The following WDR70 variants were observed in gnomAD, a reference collection of about 807,000 sequenced individuals.
WDR70 encodes the protein WD repeat domain 70, also known as WD repeat-containing protein 70.
Under a neutral mutation model 88.6 loss-of-function variants are expected in WDR70, and 53 were observed. That is an observed-to-expected ratio of 0.60 (90% CI 0.48 to 0.75). The LOEUF is 0.75. Ranked by LOEUF, WDR70 falls within the 30% of genes least tolerant of loss-of-function variation. The probability of loss-of-function intolerance (pLI) is 0.00; values close to 1 mark genes in which losing one functional copy is unlikely to be tolerated. For missense variants in WDR70, 610 were observed against 823.2 expected, an observed-to-expected ratio of 0.74 and a Z score of 3.17; for synonymous variants, 280 against 270.0, an observed-to-expected ratio of 1.04 and a Z score of -0.36.
intron 9 of WDR70, among the ~76,000 whole-genome samples, chr5:37,542,746 G>A (rs114547108): frequency 1.3e-5 from 2 of 152,172 alleles, no homozygotes; most frequent in African/African-American, 4.8e-5. Context: ...GGAAAGAAAG[G>A]AAGAAAAGAC....
rs561892097 is a variant in WDR70 at position 37,749,730 on chromosome 5, G to A, written c.1878-2756G>A. On this transcript the variant is annotated intron_variant, in intron 17 of 17. Transcript: ENST00000265107. ...TTCCCTACATTTTAATTCCTAGTGG[G>A]GACCAAGGAAACTGTTGTGATCTAG... is the stretch of plus-strand genomic sequence containing the variant. Among the ~76,000 whole-genome samples, 4 of 151,124 alleles carry A rather than the reference G, an allele frequency of 2.6e-5. No individual in the cohort carries two copies. The South Asian group carries it at 8.4e-4, about 32-fold the overall frequency.
At chr5:37,449,614 A>AAAAAAAAAAT (rs1738607337) in intron 7 of WDR70, among the ~76,000 whole-genome samples, 1 of 120,708 alleles carries the variant, frequency 8.3e-6, no homozygotes, top group African/African-American at 2.9e-5. Context: ...TAAAAAATAA[A>AAAAAAAAAAT]AAATAAATAA....
intron 9 of WDR70, among the ~76,000 whole-genome samples, chr5:37,568,076 A>G (rs1416000278): frequency 2.6e-5 from 4 of 152,180 alleles, no homozygotes; most frequent in African/African-American, 9.6e-5. Context: ...AAAAGTTTTC[A>G]TCTAATTTTC....
At chr5:37,399,841 G>A (rs1339590420) in intron 5 of WDR70, among the ~76,000 whole-genome samples, 1 of 152,122 alleles carries the variant, frequency 6.6e-6, no homozygotes, top group South Asian at 2.1e-4. Context: ...CCGAGTAGGT[G>A]AGTGTGTTTG....
At chr5:37,678,592 G>A (rs1171451553) in intron 10 of WDR70, among the ~76,000 whole-genome samples, 3 of 152,144 alleles carry the variant, frequency 2.0e-5, no homozygotes, top group Admixed American at 6.5e-5. Context: ...AGTTTCTGCC[G>A]AGAGATCCGC....
intron 9 of WDR70, among the ~76,000 whole-genome samples, chr5:37,572,436 A>T (rs1040209253): frequency 1.3e-5 from 2 of 150,694 alleles, no homozygotes; most frequent in Admixed American, 1.3e-4. Context: ...ATCCTTGATA[A>T]CTCCTTCTTT....
rs181643510 is a variant in WDR70, at chr5:37,540,896, A to C, written c.917+24306A>C. On this transcript the variant is annotated intron_variant, in intron 9 of 17. Coordinates refer to ENST00000265107, the MANE Select transcript of WDR70 (RefSeq NM_018034.4). ...TATGTTTTGATATTTTATTTTTTTA[A>C]AATCTACTTAATACTTTATTAAGAA... is the stretch of plus-strand genomic sequence containing the variant. Among the ~76,000 whole-genome samples the C allele has an allele frequency of 1.0e-3, 159 of 152,256 alleles. 1 individual carries two copies. Among genetic ancestry groups the C allele is most frequent in the African/African-American group, 3.7e-3 (154 of 41,550 alleles).
intron 9 of WDR70, among the ~76,000 whole-genome samples, chr5:37,594,006 T>G (rs1033927748): frequency 6.6e-6 from 1 of 152,204 alleles, no homozygotes; most frequent in Admixed American, 6.5e-5. Context: ...GTTGTTTTTT[T>G]CTTGTAAATT....
At chr5:37,680,731 G>A (rs984821733) in intron 10 of WDR70, among the ~76,000 whole-genome samples, 1 of 152,060 alleles carries the variant, frequency 6.6e-6, no homozygotes, top group African/African-American at 2.4e-5. Flanking sequence ...TTATTTCTAG[G>A]TTCTCTATTC....
chr5:37,734,519 TA>T (rs1462679891), intron 17 of WDR70, among the ~76,000 whole-genome samples: 1 of 152,008 alleles, frequency 6.6e-6, no homozygotes, highest in African/African-American at 2.4e-5. Context: ...ACTAAATAAA[TA>T]TATAAATATT....
chr5:37,479,193 G>A (rs566092908), intron 7 of WDR70, among the ~76,000 whole-genome samples: 3 of 151,844 alleles, frequency 2.0e-5, no homozygotes, highest in Non-Finnish European at 2.9e-5. Context: ...ATGAGAGGAA[G>A]TTGAGGCAGT....
At chr5:37,501,477 A>G (rs1740403723) in intron 8 of WDR70, among the ~76,000 whole-genome samples, 1 of 152,148 alleles carries the variant, frequency 6.6e-6, no homozygotes, top group African/African-American at 2.4e-5. Flanking sequence ...CACATAAAAT[A>G]TATTAACATG....
At chr5:37,564,566 G>GGAGAGGGAGAGGAGC (rs1742678675) in intron 9 of WDR70, among the ~76,000 whole-genome samples, 1 of 147,606 alleles carries the variant, frequency 6.8e-6, no homozygotes, top group Non-Finnish European at 1.5e-5. Flanking sequence ...GTGGGGAGAG[G>GGAGAGGGAGAGGAGC]GAGAGGGAGA....
rs182958618 is a variant in WDR70, at chr5:37,525,808, C to A, written c.917+9218C>A. ...AAAAATGATAAAGGGGATATCACCA[C>A]CGATCTCACAGAAATACAAACTACC... On this transcript the variant is annotated intron_variant, in intron 9 of 17. Transcript: ENST00000265107. Among the ~76,000 whole-genome samples the A allele has an allele frequency of 6.2e-4, 94 of 152,158 alleles. 1 individual carries two copies. The highest frequency in any genetic ancestry group is 1.3e-4 in the Non-Finnish European group (9 of 68,006).
At chr5:37,674,568 T>C (rs896779047) in intron 10 of WDR70, among the ~76,000 whole-genome samples, 1 of 152,178 alleles carries the variant, frequency 6.6e-6, no homozygotes, top group Admixed American at 6.5e-5. Flanking sequence ...GACCTCACCC[T>C]TTTTTATGGC....
intron 3 of WDR70, among the ~76,000 whole-genome samples, chr5:37,385,489 A>G (rs1292439958): frequency 7.3e-6 from 1 of 136,980 alleles, no homozygotes; most frequent in Non-Finnish European, 1.5e-5. Context: ...ACTGCATCAC[A>G]GCCTGAGTAA....
chr5:37,678,186 A>G lies in WDR70; in HGVS notation c.1093-19469A>G, dbSNP rs1301389760. ...CTGATGGGTCTTGACTCTTTATCCA[A>G]TTTGCCAGTCTGTGTCTTTTAATTG... is the stretch of plus-strand genomic sequence containing the variant. On this transcript the variant is annotated intron_variant, in intron 10 of 17. Coordinates refer to ENST00000265107, the MANE Select transcript of WDR70 (RefSeq NM_018034.4). Among the ~76,000 whole-genome samples, 5 of 152,214 alleles carry G rather than the reference A, an allele frequency of 3.3e-5. 1 individual carries two copies. The highest frequency in any genetic ancestry group is 4.2e-4 in the South Asian group (2 of 4,818).
intron 15 of WDR70, 155 bp downstream of exon 15, chr5:37,723,089 C>T: frequency 1.3e-6 from 1 of 783,454 alleles, no homozygotes; most frequent in Admixed American, 2.4e-5. Context: ...CATGTAACAG[C>T]TAACCTCTGT....
intron 3 of WDR70, among the ~76,000 whole-genome samples, chr5:37,386,723 G>C (rs1473579161): frequency 6.6e-6 from 1 of 152,068 alleles, no homozygotes; most frequent in Non-Finnish European, 1.5e-5. Context: ...GTAATATTTT[G>C]AGAATATTAA....
Sources: gnomAD v4.1 joint callset for allele counts (sites outside exome capture counted in the v4.1 genomes callset) on GRCh38, gnomAD v4.1.1 for gene constraint, MANE v1.5 for transcripts, NCBI Gene and HGNC (gene_info 2026-07-23, HGNC 2026-07-21) for gene names.